Variants in GRIK4 observed in about 807,000 individuals in gnomAD.
GRIK4 encodes glutamate receptor ionotropic, kainate 4.
Under a neutral mutation model 104.9 loss-of-function variants are expected in GRIK4, and 40 were observed. The ratio of observed to expected loss-of-function variants is 0.38; its 90% CI spans 0.30 to 0.50. The LOEUF is 0.50. Ranked by LOEUF, GRIK4 falls within the 20% of genes least tolerant of loss-of-function variation. The pLI, the probability that GRIK4 is intolerant of heterozygous loss-of-function variation, is 0.93. For synonymous variants in GRIK4, 485 were observed against 524.9 expected (o/e 0.92, Z 1.04); for missense variants, 1,047 against 1,308.1 (o/e 0.80, Z 3.08).
intron 1 of GRIK4, among the ~76,000 whole-genome samples, chr11:120,519,865 GT>G (rs1311313035): frequency 1.6e-3 from 159 of 102,542 alleles, no homozygotes; most frequent in South Asian, 5.8e-3. Flanking sequence ...CTCACTACTG[GT>G]TTTTTTTTTT....
intron 11 of GRIK4, among the ~76,000 whole-genome samples, chr11:120,887,079 G>C (rs1275360801): frequency 6.6e-6 from 1 of 152,110 alleles, no homozygotes; most frequent in Non-Finnish European, 1.5e-5. Flanking sequence ...CTATCTATTG[G>C]GCAGAAATCT....
intron 3 of GRIK4, among the ~76,000 whole-genome samples, chr11:120,789,957 T>A: frequency 6.6e-6 from 1 of 152,176 alleles, no homozygotes; most frequent in South Asian, 2.1e-4. Flanking sequence ...TCCTTAGAAT[T>A]TTGTGATTCT....
At chr11:120,790,168 C>T (rs1952367047) in intron 3 of GRIK4, among the ~76,000 whole-genome samples, 1 of 152,144 alleles carries the variant, frequency 6.6e-6, no homozygotes, top group Non-Finnish European at 1.5e-5. Context: ...TGACCATGTC[C>T]TTCTCTGGAC....
chr11:120,930,005 G>GGGC (rs1555096700), intron 13 of GRIK4, among the ~76,000 whole-genome samples: 2 of 136,540 alleles, frequency 1.5e-5, no homozygotes, highest in Non-Finnish European at 3.3e-5. Flanking sequence ...CCACGTTTGG[G>GGGC]GGGGGGGTCC....
chr11:120,796,836 C>A (rs1163248216), intron 3 of GRIK4, among the ~76,000 whole-genome samples: 1 of 151,836 alleles, frequency 6.6e-6, no homozygotes, highest in African/African-American at 2.4e-5. Flanking sequence ...GGCTGTATGC[C>A]CTCTCGGGGT....
rs140620695 is a variant in GRIK4 at position 120,693,615 on chromosome 11, C to G, written c.82+33215C>G. Among the ~76,000 whole-genome samples the G allele has an allele frequency of 9.9e-3, 1,506 of 152,290 alleles. 27 individuals carry two copies. The highest frequency in any genetic ancestry group is 0.034 in the African/African-American group (1,431 of 41,554). On this transcript the variant is annotated intron_variant, in intron 3 of 20. Coordinates refer to ENST00000527524, the MANE Select transcript of GRIK4 (RefSeq NM_014619.5). Reference sequence around the variant, plus strand: ...TAGAGAGGTAGATAAGAAAGACAGTCTCTGCCCACCAAAGGTGACATAGAA... The same window carrying G: ...TAGAGAGGTAGATAAGAAAGACAGTGTCTGCCCACCAAAGGTGACATAGAA...
chr11:120,882,118 G>A (rs1292061771), intron 11 of GRIK4, among the ~76,000 whole-genome samples: 1 of 152,156 alleles, frequency 6.6e-6, no homozygotes, highest in Non-Finnish European at 1.5e-5. Flanking sequence ...TCTCCATGGA[G>A]AGGTACCCCC....
intron 1 of GRIK4, among the ~76,000 whole-genome samples, chr11:120,512,442 C>T (rs1947673867): frequency 6.6e-6 from 1 of 152,000 alleles, no homozygotes; most frequent in Non-Finnish European, 1.5e-5. Flanking sequence ...CCTCGACTGC[C>T]CCCTGCCCCT....
chr11:120,795,516 A>G (rs372579600), intron 3 of GRIK4, among the ~76,000 whole-genome samples: 3 of 152,246 alleles, frequency 2.0e-5, no homozygotes, highest in East Asian at 3.8e-4. Context: ...GCGGCCTTGA[A>G]TTATTGATTC....
chr11:120,557,580 C>T (rs1948199664), intron 1 of GRIK4, among the ~76,000 whole-genome samples: 1 of 152,224 alleles, frequency 6.6e-6, no homozygotes, highest in Non-Finnish European at 1.5e-5. Flanking sequence ...GCCCATTCAT[C>T]ATGTTAAGTC....
chr11:120,736,710 G>A (rs1440063183), intron 3 of GRIK4, among the ~76,000 whole-genome samples: 1 of 152,142 alleles, frequency 6.6e-6, no homozygotes, highest in Non-Finnish European at 1.5e-5. Context: ...TTGTATAGAA[G>A]AGGTAAGGTT....
chr11:120,986,216 A>T lies in GRIK4; in HGVS notation c.2827A>T (p.Ser943Cys). The change falls in exon 21 of 21, where the codon AGC becomes TGC. Residue 943 changes from serine to cysteine, a missense_variant. Around this residue, in one of 3 missense-constraint regions of GRIK4, gnomAD observed 160 missense variants for 140.9 expected, o/e 1.14. Transcript: ENST00000527524. ...ARPSPARSEE[S>C]LEWEKTTNSS... Reference sequence around the variant, plus strand: ...GCCGTCGCCCGCCCGCAGCGAGGAGAGCCTGGAGTGGGAGAAAACCACCAA... The same window carrying T: ...GCCGTCGCCCGCCCGCAGCGAGGAGTGCCTGGAGTGGGAGAAAACCACCAA... 4 of 1,571,282 alleles carry T rather than the reference A, an allele frequency of 2.5e-6. No individual in the cohort carries two copies. Among genetic ancestry groups the T allele is most frequent in the Non-Finnish European group, 3.4e-6 (4 of 1,168,538 alleles).
Position 120,660,326 on chromosome 11 carries a change from G to T in GRIK4, c.8G>T (p.Arg3Leu). 2 of 1,612,742 alleles carry T rather than the reference G, an allele frequency of 1.2e-6. No individual in the cohort carries two copies. Among genetic ancestry groups the T allele is most frequent in the Non-Finnish European group, 1.7e-6 (2 of 1,179,350 alleles). Reference protein sequence around the residue: MPRVSAPLVLLPA... With the variant: MPLVSAPLVLLPA... ...CATGAGGATTCATAGAAGATGCCCC[G>T]CGTCTCGGCGCCTTTGGTGCTGCTT... Residue 3 changes from arginine (R) to leucine (L), a missense_variant, in exon 3 of 21, where the codon CGC becomes CTC. This residue lies in a region of GRIK4 where 447 missense variants were observed against 514.9 expected (regional missense o/e 0.87). Transcript: ENST00000527524.
At chr11:120,554,626 T>A (rs1213479746) in intron 1 of GRIK4, among the ~76,000 whole-genome samples, 1 of 152,028 alleles carries the variant, frequency 6.6e-6, no homozygotes, top group Non-Finnish European at 1.5e-5. Flanking sequence ...TGGCGCGATC[T>A]CTGCTCATTG....
chr11:120,925,896 C>G (rs1325874644), intron 13 of GRIK4, among the ~76,000 whole-genome samples: 1 of 151,510 alleles, frequency 6.6e-6, no homozygotes, highest in Non-Finnish European at 1.5e-5. Flanking sequence ...TTTGCTTGAC[C>G]CCAGGAGGTG....
intron 6 of GRIK4, among the ~76,000 whole-genome samples, chr11:120,828,091 T>C (rs886324213): frequency 1.3e-5 from 2 of 152,186 alleles, no homozygotes; most frequent in African/African-American, 4.8e-5. Flanking sequence ...CTGGCACTGC[T>C]GCTCCCCTGA....
At chr11:120,541,956 GAAAA>G (rs35965239) in intron 1 of GRIK4, among the ~76,000 whole-genome samples, 7 of 150,204 alleles carry the variant, frequency 4.7e-5, no homozygotes, top group Non-Finnish European at 1.0e-4. Context: ...TACAGAAAGA[GAAAA>G]AAAAACCCTA....
chr11:120,925,973 CAA>C (rs34815296), intron 13 of GRIK4, among the ~76,000 whole-genome samples: 52 of 120,156 alleles, frequency 4.3e-4, no homozygotes, highest in East Asian at 3.8e-3. Flanking sequence ...GACTCCATCT[CAA>C]AAAAAAAAAA....
chr11:120,914,047 C>G (rs1326848717), intron 13 of GRIK4, among the ~76,000 whole-genome samples: 1 of 152,206 alleles, frequency 6.6e-6, no homozygotes, highest in East Asian at 1.9e-4. Flanking sequence ...GAGGGCTTTG[C>G]TTTACCTTCC....
Sources: allele counts gnomAD v4.1 joint callset (sites outside exome capture counted in the v4.1 genomes callset), GRCh38; gene constraint gnomAD v4.1.1; regional missense constraint gnomAD v4.1.1; transcripts MANE v1.5; gene names NCBI Gene and HGNC (gene_info 2026-07-23, HGNC 2026-07-21).